Variants in TENM4 observed in about 807,000 individuals in gnomAD.
TENM4 encodes the protein teneurin-4.
TENM4 carries 82 observed loss-of-function variants against 243.3 expected under a neutral mutation model. The observed-to-expected ratio is 0.34, with a 90% CI of 0.28 to 0.40. The LOEUF is 0.40. TENM4 is among the 10% of genes least tolerant of loss of function. The pLI, the probability that TENM4 is intolerant of heterozygous loss-of-function variation, is 1.00. For synonymous variants in TENM4, 1,412 were observed against 1,456.3 expected (o/e 0.97, Z 0.69); for missense variants, 3,138 against 3,673.3 (o/e 0.85, Z 3.77).
intron 1 of TENM4, among the ~76,000 whole-genome samples, chr11:79,314,534 CT>C (rs1856773535): frequency 6.6e-6 from 1 of 152,206 alleles, no homozygotes; most frequent in Non-Finnish European, 1.5e-5. Context: ...AAAACAAGAT[CT>C]ACCTCACAGT....
intron 4 of TENM4, chr11:79,093,100 T>A (rs566198784): frequency 6.6e-6 from 1 of 152,324 alleles, no homozygotes; most frequent in South Asian, 2.1e-4. Flanking sequence ...TTTTCCAGGC[T>A]AACACAAGCC....
intron 6 of TENM4, among the ~76,000 whole-genome samples, chr11:78,943,213 A>G (rs370056851): frequency 6.6e-6 from 1 of 152,234 alleles, no homozygotes; most frequent in Non-Finnish European, 1.5e-5. Flanking sequence ...CTAGGGCAGG[A>G]GGCCCTGGAG....
At chr11:78,952,427 G>C (rs1857126178) in intron 6 of TENM4, among the ~76,000 whole-genome samples, 1 of 152,220 alleles carries the variant, frequency 6.6e-6, no homozygotes, top group African/African-American at 2.4e-5. Flanking sequence ...CACTAGCAGG[G>C]GCTCTTTGAG....
chr11:79,411,366 C>T (rs1458356938), intron 1 of TENM4, among the ~76,000 whole-genome samples: 2 of 152,182 alleles, frequency 1.3e-5, no homozygotes, highest in African/African-American at 4.8e-5. Context: ...TAGGCACTAT[C>T]CCACACAAAC....
intron 1 of TENM4, among the ~76,000 whole-genome samples, chr11:79,399,383 T>C (rs1296066560): frequency 6.6e-6 from 1 of 152,172 alleles, no homozygotes; most frequent in African/African-American, 2.4e-5. Flanking sequence ...GACTAATCTG[T>C]TAGGAAGGCA....
intron 12 of TENM4, among the ~76,000 whole-genome samples, chr11:78,831,729 T>C (rs1857987301): frequency 6.6e-6 from 1 of 152,222 alleles, no homozygotes; most frequent in South Asian, 2.1e-4. Context: ...CAAAAGAGAC[T>C]TCCCATAGTT....
intron 6 of TENM4, among the ~76,000 whole-genome samples, chr11:78,906,515 G>T (rs545224949): frequency 6.6e-6 from 1 of 152,174 alleles, no homozygotes; most frequent in Non-Finnish European, 1.5e-5. Context: ...CAAAAGTCCT[G>T]CAATGATGAA....
intron 4 of TENM4, among the ~76,000 whole-genome samples, chr11:79,140,505 G>A (rs761619826): frequency 1.6e-4 from 25 of 152,026 alleles, no homozygotes; most frequent in Non-Finnish European, 3.4e-4. Context: ...TGTTTAAGAC[G>A]CTTCCAAGTC....
At chr11:78,946,512 A>G (rs1857004711) in intron 6 of TENM4, among the ~76,000 whole-genome samples, 1 of 152,230 alleles carries the variant, frequency 6.6e-6, no homozygotes, top group Admixed American at 6.5e-5. Context: ...CTGCTCATGT[A>G]ACACCCATTC....
At chr11:78,718,166 G>A (rs769466482) in intron 25 of TENM4, among the ~76,000 whole-genome samples, 1 of 152,164 alleles carries the variant, frequency 6.6e-6, no homozygotes, top group Non-Finnish European at 1.5e-5. Context: ...TACTGATGGG[G>A]ACACTGAAGC....
chr11:79,189,739 C>T (rs1461047606), intron 3 of TENM4, among the ~76,000 whole-genome samples: 1 of 152,188 alleles, frequency 6.6e-6, no homozygotes, highest in Non-Finnish European at 1.5e-5. Context: ...TGAAATGGAA[C>T]CAAAGCTAAT....
chr11:78,745,991 C>T (rs1043150028), intron 19 of TENM4, among the ~76,000 whole-genome samples: 9 of 152,068 alleles, frequency 5.9e-5, no homozygotes, highest in African/African-American at 1.4e-4. Flanking sequence ...CTTGCTCTGT[C>T]GCCCCAGCTG....
chr11:79,323,739 A>G (rs1856929053), intron 1 of TENM4, among the ~76,000 whole-genome samples: 1 of 152,208 alleles, frequency 6.6e-6, no homozygotes, highest in Non-Finnish European at 1.5e-5. Context: ...AGGAAGATGC[A>G]ATTCTGCCTC....
chr11:79,158,196 C>T (rs1862663059), intron 3 of TENM4, among the ~76,000 whole-genome samples: 1 of 152,154 alleles, frequency 6.6e-6, no homozygotes, highest in South Asian at 2.1e-4. Flanking sequence ...GTAAGAAAAT[C>T]TACTTTTGTA....
intron 3 of TENM4, among the ~76,000 whole-genome samples, chr11:79,184,781 T>C (rs1863352650): frequency 6.6e-6 from 1 of 151,952 alleles, no homozygotes; most frequent in Admixed American, 6.6e-5. Flanking sequence ...ATGAAAAGAG[T>C]TCTGGAGATG....
At chr11:79,394,584 G>A (rs1025708388) in intron 1 of TENM4, among the ~76,000 whole-genome samples, 3 of 152,206 alleles carry the variant, frequency 2.0e-5, no homozygotes, top group Non-Finnish European at 4.4e-5. Context: ...ACACTAATAT[G>A]TGATAACGAA....
intron 4 of TENM4, among the ~76,000 whole-genome samples, chr11:79,138,566 A>ATATATT (rs1565219513): frequency 3.4e-4 from 9 of 26,718 alleles, no homozygotes; most frequent in African/African-American, 7.2e-4. Flanking sequence ...TAAATACATA[A>ATATATT]AACATATATT....
rs574652134 is a variant in TENM4, at chr11:79,420,186, A to AT, written c.-321+20322dup. Among the ~76,000 whole-genome samples the AT allele has an allele frequency of 5.2e-4, 79 of 152,240 alleles. 3 individuals are homozygous for AT. In the South Asian group the frequency reaches 0.011, roughly 22 times the overall value. Reference sequence around the variant, plus strand: ...TCTCCCTCCTGATCATTTGAAATACATTTTTTTAACATGTTAAATCCTTAC... The same window carrying AT: ...TCTCCCTCCTGATCATTTGAAATACATTTTTTTTAACATGTTAAATCCTTAC... On this transcript the variant is annotated intron_variant, in intron 1 of 33. Coordinates refer to ENST00000278550, the MANE Select transcript of TENM4 (RefSeq NM_001098816.3).
chr11:78,848,531 A>T (rs1333297668), intron 12 of TENM4, among the ~76,000 whole-genome samples: 1 of 152,066 alleles, frequency 6.6e-6, no homozygotes, highest in Non-Finnish European at 1.5e-5. Context: ...AAATGTAAAA[A>T]TTTCACCCAT....
Sources: gnomAD v4.1 joint callset for allele counts (sites outside exome capture counted in the v4.1 genomes callset) on GRCh38, gnomAD v4.1.1 for gene constraint, MANE v1.5 for transcripts, NCBI Gene and HGNC (gene_info 2026-07-23, HGNC 2026-07-21) for gene names.